Variants in MTUS2 observed in about 807,000 individuals in gnomAD.
MTUS2 encodes the protein microtubule associated scaffold protein 2, also known as microtubule-associated tumor suppressor candidate 2.
Under a neutral mutation model 114.1 loss-of-function variants are expected in MTUS2, and 40 were observed. The ratio of observed to expected loss-of-function variants is 0.35; its 90% CI spans 0.27 to 0.46. MTUS2 has a LOEUF of 0.46. MTUS2 is among the 20% of genes least tolerant of loss of function. The probability of loss-of-function intolerance (pLI) is 1.00; values close to 1 mark genes in which losing one functional copy is unlikely to be tolerated. For missense variants in MTUS2, 1,679 were observed against 1,705.4 expected, an observed-to-expected ratio of 0.98 and a Z score of 0.27; for synonymous variants, 688 against 672.0, an observed-to-expected ratio of 1.02 and a Z score of -0.37.
rs1227766912 is a variant in MTUS2 at position 29,281,743 on chromosome 13, C to T, written c.2684C>T (p.Ala895Val). ...AATGAAGAACAGCCAGTTCTGAAGG[C>T]ATCTCTGCCTTCTAAGGACACACCC... Reference protein sequence around the residue: ...FGNEEQPVLKASLPSKDTPKG... With the variant: ...FGNEEQPVLKVSLPSKDTPKG... The change falls in exon 6 of 16, where the codon GCA (alanine) becomes GTA (valine). Residue 895 changes from alanine (A) to valine (V), a missense_variant. Physicochemically the swap from Ala to Val is moderately conservative, Grantham distance 64. Around this residue, in one of 3 missense-constraint regions of MTUS2, gnomAD observed 822 missense variants for 899.7 expected, o/e 0.91. Transcript: ENST00000612955. 2 of 1,611,064 alleles carry T rather than the reference C, an allele frequency of 1.2e-6. No individual in the cohort carries two copies. The highest frequency in any genetic ancestry group is 1.7e-6 in the Non-Finnish European group (2 of 1,177,528).
chr13:29,378,195 G>A lies in MTUS2; in HGVS notation c.3117+18722G>A, dbSNP rs141010312. On this transcript the variant is annotated intron_variant, in intron 8 of 15. Transcript: ENST00000612955. ...ATTTTGGTGTTATTTATATGCATCT[G>A]TATATGTGTTTACATTTATAGCCCT... 5.1e-3 allele frequency among the ~76,000 whole-genome samples: 771 copies of A among 152,152 alleles called. 9 individuals are homozygous for A. Among genetic ancestry groups the A allele is most frequent in the Non-Finnish European group, 4.8e-3 (325 of 68,016 alleles).
intron 8 of MTUS2, among the ~76,000 whole-genome samples, chr13:29,391,079 C>T (rs956639041): frequency 6.7e-6 from 1 of 149,968 alleles, no homozygotes; most frequent in African/African-American, 2.5e-5. Context: ...GTGCCCATCC[C>T]AGATTATTAT....
intron 1 of MTUS2, among the ~76,000 whole-genome samples, chr13:28,834,706 A>G (rs1874947807): frequency 6.6e-6 from 1 of 152,204 alleles, no homozygotes; most frequent in Admixed American, 6.5e-5. Flanking sequence ...TGTTTCCTTC[A>G]GAGGATATCA....
intron 8 of MTUS2, among the ~76,000 whole-genome samples, chr13:29,376,149 T>A (rs3121745): frequency 6.6e-6 from 1 of 151,328 alleles, no homozygotes. Context: ...AGTAAATAAC[T>A]GAGTAAATAT....
At chr13:29,309,362 T>C (rs928829720) in intron 6 of MTUS2, among the ~76,000 whole-genome samples, 5 of 152,130 alleles carry the variant, frequency 3.3e-5, no homozygotes, top group Middle Eastern at 3.4e-3. Flanking sequence ...TTCTCACTTA[T>C]AAGTAGGTGC....
At chr13:29,045,902 C>G (rs1887592334) in intron 4 of MTUS2, among the ~76,000 whole-genome samples, 1 of 152,022 alleles carries the variant, frequency 6.6e-6, no homozygotes, top group African/African-American at 2.4e-5. Context: ...CTTTCCCATC[C>G]CCAAAACAAA....
chr13:29,075,688 A>G (rs761499460), intron 4 of MTUS2, among the ~76,000 whole-genome samples: 7 of 152,176 alleles, frequency 4.6e-5, no homozygotes, highest in African/African-American at 7.2e-5. Context: ...AATCCTATTG[A>G]TTACCAGTCA....
At chr13:29,199,065 T>G (rs1894826184) in intron 5 of MTUS2, among the ~76,000 whole-genome samples, 1 of 152,188 alleles carries the variant, frequency 6.6e-6, no homozygotes, top group Non-Finnish European at 1.5e-5. Context: ...TTCTTTCTCT[T>G]GCCTGATTGC....
intron 8 of MTUS2, among the ~76,000 whole-genome samples, chr13:29,383,012 C>T (rs1334545222): frequency 6.6e-6 from 1 of 152,014 alleles, no homozygotes; most frequent in Non-Finnish European, 1.5e-5. Flanking sequence ...GGGGACGCAG[C>T]GAGGTTGTAG....
In MTUS2 at chr13:29,458,504, G is replaced by A. The variant is rs183630608; in HGVS notation, c.3184+18455G>A. Among the ~76,000 whole-genome samples, 394 of 151,464 alleles carry A rather than the reference G, an allele frequency of 2.6e-3. 5 individuals are homozygous for A. Among genetic ancestry groups the A allele is most frequent in the African/African-American group, 9.2e-3 (378 of 41,142 alleles). ...GCAAAAGATTGTAACAGAAAATGAGGTAAGTGCTTTTTCCTTAAAATATTT... is the reference window on the plus strand; with the variant it reads ...GCAAAAGATTGTAACAGAAAATGAGATAAGTGCTTTTTCCTTAAAATATTT... On this transcript the variant is annotated intron_variant, in intron 9 of 15. Coordinates refer to ENST00000612955, the MANE Select transcript of MTUS2 (RefSeq NM_001033602.4).
At chr13:29,436,925 A>G (rs917368513) in intron 8 of MTUS2, among the ~76,000 whole-genome samples, 3 of 151,990 alleles carry the variant, frequency 2.0e-5, no homozygotes, top group Non-Finnish European at 4.4e-5. Flanking sequence ...CATCAGCATT[A>G]GGTTTTCACC....
At chr13:28,829,273 C>T (rs1234704695) in intron 1 of MTUS2, among the ~76,000 whole-genome samples, 3 of 152,146 alleles carry the variant, frequency 2.0e-5, no homozygotes, top group South Asian at 4.1e-4. Flanking sequence ...CACCTGTAAT[C>T]CTAGCACTTA....
chr13:29,087,995 C>G (rs1414542946), intron 4 of MTUS2, among the ~76,000 whole-genome samples: 1 of 147,900 alleles, frequency 6.8e-6, no homozygotes, highest in Non-Finnish European at 1.5e-5. Flanking sequence ...GGAGGCGGAG[C>G]TTGCAGTGGG....
At chr13:29,259,377 A>C (rs2139458280) in intron 5 of MTUS2, among the ~76,000 whole-genome samples, 1 of 152,294 alleles carries the variant, frequency 6.6e-6, no homozygotes, top group Admixed American at 6.5e-5. Flanking sequence ...ATTCAAGTTC[A>C]CGAGGGACTG....
chr13:28,934,421 C>T lies in MTUS2; in HGVS notation c.-242-90036C>T, dbSNP rs7320421. On this transcript the variant is annotated intron_variant, in intron 2 of 15. Coordinates refer to ENST00000612955, the MANE Select transcript of MTUS2 (RefSeq NM_001033602.4). Reference sequence around the variant, plus strand: ...GGGCTTAGGTACTGTTTACTAAAGGCCATCTCTGTGGTGAATATGCTGTGT... The same window carrying T: ...GGGCTTAGGTACTGTTTACTAAAGGTCATCTCTGTGGTGAATATGCTGTGT... Among the ~76,000 whole-genome samples the T allele has an allele frequency of 7.0e-3, 1,071 of 152,122 alleles. 10 individuals are homozygous for T. The highest frequency in any genetic ancestry group is 0.042 in the East Asian group (219 of 5,182).
At chr13:29,330,912 A>AT (rs1161474951) in intron 7 of MTUS2, among the ~76,000 whole-genome samples, 2 of 152,194 alleles carry the variant, frequency 1.3e-5, no homozygotes, top group African/African-American at 4.8e-5. Context: ...AATCTTGGCA[A>AT]TGCAGGCTCT....
At chr13:29,050,401 C>T (rs1566326008) in intron 4 of MTUS2, among the ~76,000 whole-genome samples, 1 of 152,130 alleles carries the variant, frequency 6.6e-6, no homozygotes, top group Non-Finnish European at 1.5e-5. Flanking sequence ...TTCCAATCCA[C>T]ACCTGGTTCT....
chr13:28,871,622 C>G lies in MTUS2; in HGVS notation c.-243+31772C>G, dbSNP rs188167538. 2.0e-3 allele frequency among the ~76,000 whole-genome samples: 302 copies of G among 152,338 alleles called. 2 individuals are homozygous for G. Among genetic ancestry groups the G allele is most frequent in the African/African-American group, 7.0e-3 (292 of 41,582 alleles). On this transcript the variant is annotated intron_variant, in intron 2 of 15. Coordinates refer to ENST00000612955, the MANE Select transcript of MTUS2 (RefSeq NM_001033602.4). ...GTAGTGGGCAAAAAAGACAAAACCC[C>G]TGTCCTTGTGGAGCTTTTATTTTAG...
chr13:29,194,576 A>G (rs893309721), intron 5 of MTUS2, among the ~76,000 whole-genome samples: 2 of 152,032 alleles, frequency 1.3e-5, no homozygotes, highest in Non-Finnish European at 2.9e-5. Context: ...AATGGCAATC[A>G]TTAAAAAGTC....
Sources: gnomAD v4.1 joint callset for allele counts (sites outside exome capture counted in the v4.1 genomes callset) on GRCh38, gnomAD v4.1.1 for gene constraint, gnomAD v4.1.1 regional missense constraint, MANE v1.5 for transcripts, NCBI Gene and HGNC (gene_info 2026-07-23, HGNC 2026-07-21) for gene names.